The following FARS2 variants were observed in gnomAD, a reference collection of about 807,000 sequenced individuals.
FARS2 encodes the protein phenylalanine--tRNA ligase, mitochondrial.
In FARS2, 40 loss-of-function variants were observed where a neutral mutation model predicts 46.4. The ratio of observed to expected loss-of-function variants is 0.86; its 90% CI spans 0.67 to 1.12. FARS2 has a LOEUF of 1.12. FARS2 is among the 50% of genes most tolerant of loss of function. FARS2 has a pLI of 0.00. For missense variants in FARS2, 513 were observed against 567.9 expected, an observed-to-expected ratio of 0.90 and a Z score of 0.98; for synonymous variants, 234 against 214.9, an observed-to-expected ratio of 1.09 and a Z score of -0.78.
chr6:5,635,203 T>A (rs1321598574), intron 6 of FARS2, among the ~76,000 whole-genome samples: 1 of 152,186 alleles, frequency 6.6e-6, no homozygotes, highest in Non-Finnish European at 1.5e-5. Context: ...GCTGGTTACA[T>A]CCTAATGGTG....
chr6:5,536,696 G>T (rs993229745), intron 4 of FARS2, among the ~76,000 whole-genome samples: 6 of 152,164 alleles, frequency 3.9e-5, no homozygotes, highest in Admixed American at 2.6e-4. Flanking sequence ...ATGTTCTCAA[G>T]TAAGGATTTT....
intron 5 of FARS2, among the ~76,000 whole-genome samples, chr6:5,578,299 A>G (rs923469856): frequency 6.6e-6 from 1 of 152,046 alleles, no homozygotes; most frequent in Admixed American, 6.6e-5. Flanking sequence ...ATAGCAGCTT[A>G]GACTGTGGCC....
chr6:5,250,990 C>T, the FARS2 span, among the ~76,000 whole-genome samples: 1 of 152,178 alleles, frequency 6.6e-6, no homozygotes, highest in Non-Finnish European at 1.5e-5. Context: ...GTCTCCTCAG[C>T]CCCAGTACAT....
chr6:5,333,975 C>T (rs1274423413), intron 1 of FARS2, among the ~76,000 whole-genome samples: 1 of 152,192 alleles, frequency 6.6e-6, no homozygotes, highest in African/African-American at 2.4e-5. Context: ...CCTCCTAAAC[C>T]TCCAAGGGAC....
At chr6:5,340,692 G>A (rs907778777) in intron 1 of FARS2, among the ~76,000 whole-genome samples, 5 of 152,072 alleles carry the variant, frequency 3.3e-5, no homozygotes, top group Admixed American at 1.3e-4. Flanking sequence ...TAAGGTTTCC[G>A]CTTCTTTCAG....
chr6:5,458,455 A>T (rs533281618), intron 4 of FARS2, among the ~76,000 whole-genome samples: 7 of 152,190 alleles, frequency 4.6e-5, no homozygotes, highest in Non-Finnish European at 1.0e-4. Flanking sequence ...GTAGTCAAAC[A>T]TGAATTCACA....
chr6:5,459,447 C>A (rs74750249), intron 4 of FARS2, among the ~76,000 whole-genome samples: 10,019 of 151,956 alleles, frequency 0.066, 403 homozygotes, highest in African/African-American at 0.11. Flanking sequence ...TCTGGCTCCA[C>A]TTTTGTGGGA....
At chr6:5,737,952 G>A (rs1442380410) in intron 6 of FARS2, among the ~76,000 whole-genome samples, 2 of 152,058 alleles carry the variant, frequency 1.3e-5, no homozygotes, top group Non-Finnish European at 2.9e-5. Flanking sequence ...TATTATTCTT[G>A]TTGTTGTTGT....
intron 4 of FARS2, among the ~76,000 whole-genome samples, chr6:5,529,152 G>GC (rs998075154): frequency 5.7e-4 from 87 of 152,302 alleles, no homozygotes; most frequent in African/African-American, 2.1e-3. Flanking sequence ...ATAAAATGGA[G>GC]CTAGTGATAG....
At chr6:5,691,470 C>T (rs1459483509) in intron 6 of FARS2, among the ~76,000 whole-genome samples, 1 of 152,176 alleles carries the variant, frequency 6.6e-6, no homozygotes, top group African/African-American at 2.4e-5. Context: ...ACCGTGTTTG[C>T]CTGGGTATCA....
At position 5,740,724 on chromosome 6, in the gene FARS2, A is replaced by G. The variant is rs6900556; in HGVS notation, c.1218-30567A>G. ...TTTTATCCCCAGTAAGCAAGCACAC[A>G]TTATCCAGGACATTGAAGGCAGGGA... On this transcript the variant is annotated intron_variant, in intron 6 of 6. Coordinates refer to ENST00000274680, the MANE Select transcript of FARS2 (RefSeq NM_006567.5). Among the ~76,000 whole-genome samples the G allele has an allele frequency of 8.5e-3, 1,298 of 152,264 alleles. 12 individuals are homozygous for G. Among genetic ancestry groups the G allele is most frequent in the African/African-American group, 0.029 (1,205 of 41,532 alleles).
chr6:5,613,084 A>T, intron 5 of FARS2, 85 bp from the exon 6 acceptor site: 1 of 1,112,274 alleles, frequency 9.0e-7, no homozygotes, highest in Non-Finnish European at 1.3e-6. Context: ...TTTCCTAATT[A>T]GTCAAGTGCA....
intron 6 of FARS2, among the ~76,000 whole-genome samples, chr6:5,719,442 G>GAA (rs1554129042): frequency 4.1e-5 from 6 of 144,582 alleles, no homozygotes; most frequent in African/African-American, 1.0e-4. Context: ...AGGAAAGAAA[G>GAA]AGAGAAAGAG....
At chr6:5,654,724 G>T (rs944199972) in intron 6 of FARS2, among the ~76,000 whole-genome samples, 1 of 152,054 alleles carries the variant, frequency 6.6e-6, no homozygotes, top group Non-Finnish European at 1.5e-5. Flanking sequence ...GTCAGGAAGT[G>T]GTTCTCTTTT....
intron 4 of FARS2, among the ~76,000 whole-genome samples, chr6:5,467,741 G>A (rs1053299635): frequency 2.0e-5 from 3 of 152,102 alleles, no homozygotes; most frequent in Non-Finnish European, 4.4e-5. Flanking sequence ...CTGGACCTCT[G>A]TGTTTCCTAT....
chr6:5,308,702 C>A (rs1410720426), intron 1 of FARS2, among the ~76,000 whole-genome samples: 3 of 152,210 alleles, frequency 2.0e-5, no homozygotes, highest in Non-Finnish European at 4.4e-5. Flanking sequence ...CAACGTCTAA[C>A]AATGTGTTGC....
intron 4 of FARS2, among the ~76,000 whole-genome samples, chr6:5,535,348 G>A (rs989806699): frequency 2.6e-5 from 4 of 152,036 alleles, no homozygotes; most frequent in East Asian, 3.8e-4. Flanking sequence ...TTTATGTGTC[G>A]ATTTTGTATC....
At chr6:5,461,275 G>T (rs889933166) in intron 4 of FARS2, among the ~76,000 whole-genome samples, 72 of 152,124 alleles carry the variant, frequency 4.7e-4, no homozygotes, top group African/African-American at 1.7e-3. Context: ...CCGGAGCTCA[G>T]GTGATCCACC....
chr6:5,286,915 C>T (rs73718043), intron 1 of FARS2, among the ~76,000 whole-genome samples: 5,780 of 152,278 alleles, frequency 0.038, 371 homozygotes, highest in African/African-American at 0.13. Context: ...GGGGCATGTT[C>T]GCCTCTGAAC....
Sources: allele counts gnomAD v4.1 joint callset (sites outside exome capture counted in the v4.1 genomes callset), GRCh38; gene constraint gnomAD v4.1.1; transcripts MANE v1.5; gene names NCBI Gene and HGNC (gene_info 2026-07-23, HGNC 2026-07-21).